The following SYBU variants were observed in gnomAD, a reference collection of about 807,000 sequenced individuals.
The protein encoded by SYBU is GOLSYN A protein.
In SYBU, 21 loss-of-function variants were observed where a neutral mutation model predicts 35.9. That is an observed-to-expected ratio of 0.58 (90% CI 0.41 to 0.84). SYBU has a LOEUF of 0.84. Ranked by LOEUF, SYBU falls within the 40% of genes least tolerant of loss-of-function variation. SYBU has a pLI of 0.00. For synonymous variants in SYBU, 319 were observed against 324.3 expected (o/e 0.98, Z 0.18); for missense variants, 768 against 848.2 (o/e 0.91, Z 1.17).
intron 2 of SYBU, among the ~76,000 whole-genome samples, chr8:109,634,022 C>G (rs1403164227): frequency 6.6e-6 from 1 of 152,184 alleles, no homozygotes; most frequent in African/African-American, 2.4e-5. Context: ...GTGTGAGCCA[C>G]TGCAACTGGA....
At chr8:109,665,263 C>T (rs1282959338) in intron 1 of SYBU, among the ~76,000 whole-genome samples, 1 of 152,036 alleles carries the variant, frequency 6.6e-6, no homozygotes, top group Non-Finnish European at 1.5e-5. Context: ...TTTGGCCAAG[C>T]CTTCAACCTC....
Position 109,575,449 on chromosome 8 carries a change from C to T in SYBU, c.1449G>A (p.Val483=). Residue 483 remains valine (V), a synonymous_variant, in exon 7 of 7, where the codon GTG becomes GTA. Transcript: ENST00000276646. ...CGTCGGTCTGAACGGCTCGCTCCAC[C>T]ACCACACTGCCCTCCTCCTGACCCA... is the stretch of plus-strand genomic sequence containing the variant. ...IVMGQEEGSV[V]VERAVQTDVV... 1.2e-6 allele frequency: 2 copies of T among 1,614,154 alleles called. No individual in the cohort carries two copies. Among genetic ancestry groups the T allele is most frequent in the Non-Finnish European group, 8.5e-7 (1 of 1,180,032 alleles).
At chr8:109,661,045 G>T (rs996815227) in intron 1 of SYBU, among the ~76,000 whole-genome samples, 2 of 152,194 alleles carry the variant, frequency 1.3e-5, no homozygotes, top group Admixed American at 1.3e-4. Flanking sequence ...TGATCAAAAA[G>T]AAGAGAGGTC....
At chr8:109,599,062 A>G (rs1825212485) in intron 3 of SYBU, among the ~76,000 whole-genome samples, 1 of 152,210 alleles carries the variant, frequency 6.6e-6, no homozygotes, top group Admixed American at 6.5e-5. Context: ...CATCCCACCC[A>G]AAGTGTTTGC....
intron 5 of SYBU, among the ~76,000 whole-genome samples, chr8:109,578,745 C>T (rs1190140143): frequency 1.3e-5 from 2 of 152,086 alleles, no homozygotes; most frequent in Admixed American, 6.6e-5. Context: ...GGGATGGGCC[C>T]GGGCAGAAGA....
At position 109,601,919 on chromosome 8, in the gene SYBU, G is replaced by A. The variant is rs540916871; in HGVS notation, c.428-15757C>T. 5.3e-5 allele frequency among the ~76,000 whole-genome samples: 8 copies of A among 152,314 alleles called. No individual in the cohort carries two copies. In the South Asian group the frequency reaches 1.4e-3, roughly 28 times the overall value. On this transcript the variant is annotated intron_variant, in intron 3 of 6. Transcript: ENST00000276646. ...ACTGAAGGCAAGAGAGAACCATAAT[G>A]AGTTTTGTTTGGGGTGGTAACATGA...
In SYBU at chr8:109,617,133, C is replaced by CA. The variant is rs35363783; in HGVS notation, c.427+1708dup. 8.0e-4 allele frequency among the ~76,000 whole-genome samples: 117 copies of CA among 146,446 alleles called. 2 individuals carry two copies. The East Asian group carries it at 8.7e-3, about 11-fold the overall frequency. ...TCTGGGCGACAGTGAGAATCTGTCT[C>CA]AAAAAAAAAAATACAATAAAATAAA... On this transcript the variant is annotated intron_variant, in intron 3 of 6. Coordinates refer to ENST00000276646, the MANE Select transcript of SYBU (RefSeq NM_001099754.2).
chr8:109,618,822 T>C lies in SYBU; in HGVS notation c.427+20A>G. The C allele has an allele frequency of 1.9e-6, 3 of 1,610,728 alleles. No individual in the cohort carries two copies. Among genetic ancestry groups the C allele is most frequent in the Non-Finnish European group, 2.5e-6 (3 of 1,177,004 alleles). ...CCATCACATTGTTCTGATGAAAACA[T>C]GACGAGTAAGTTCACTGACCTGGTT... On this transcript the variant is annotated intron_variant, in intron 3 of 6. Transcript: ENST00000276646.
chr8:109,591,878 A>G (rs974562175), intron 3 of SYBU, among the ~76,000 whole-genome samples: 3 of 151,912 alleles, frequency 2.0e-5, no homozygotes, highest in Non-Finnish European at 4.4e-5. Context: ...TGTAGTATTA[A>G]AAGAGTTCTG....
chr8:109,690,595 A>G (rs1479737630), intron 1 of SYBU, among the ~76,000 whole-genome samples: 1 of 152,178 alleles, frequency 6.6e-6, no homozygotes, highest in Non-Finnish European at 1.5e-5. Context: ...GGGAAGATAA[A>G]AGCAACGATT....
intron 2 of SYBU, among the ~76,000 whole-genome samples, chr8:109,627,943 A>C (rs1813159047): frequency 6.6e-6 from 1 of 152,200 alleles, no homozygotes; most frequent in Non-Finnish European, 1.5e-5. Context: ...ATCTTTTTGT[A>C]GTGGGAACTC....
intron 3 of SYBU, among the ~76,000 whole-genome samples, chr8:109,594,598 C>T (rs893176027): frequency 6.6e-6 from 1 of 152,156 alleles, no homozygotes; most frequent in African/African-American, 2.4e-5. Context: ...CATCTTCATC[C>T]TCACTGTGTG....
chr8:109,610,976 T>C (rs1355253429), intron 3 of SYBU, among the ~76,000 whole-genome samples: 2 of 152,210 alleles, frequency 1.3e-5, no homozygotes, highest in Non-Finnish European at 2.9e-5. Flanking sequence ...AGTCAGTCTC[T>C]TCAATAAATG....
At chr8:109,603,343 T>A in intron 3 of SYBU, 1 of 949,174 alleles carries the variant, frequency 1.1e-6, no homozygotes, top group Non-Finnish European at 1.3e-6. Context: ...TTAAAATGAA[T>A]GAAGCATACT....
intron 1 of SYBU, among the ~76,000 whole-genome samples, chr8:109,672,970 C>T (rs1053203950): frequency 6.6e-6 from 1 of 152,234 alleles, no homozygotes; most frequent in Non-Finnish European, 1.5e-5. Flanking sequence ...TGTAGCCAGA[C>T]TGCCTCTTTG....
At chr8:109,605,221 CATT>C (rs1825950375) in intron 3 of SYBU, among the ~76,000 whole-genome samples, 1 of 152,144 alleles carries the variant, frequency 6.6e-6, no homozygotes, top group Admixed American at 6.5e-5. Flanking sequence ...GAAAGTGGGG[CATT>C]ATTTTGTTCA....
rs779118117 is a variant in SYBU at position 109,575,558 on chromosome 8, G to C, written c.1340C>G (p.Thr447Arg). The C allele has an allele frequency of 6.2e-7, 1 of 1,614,158 alleles. No individual in the cohort carries two copies. The highest frequency in any genetic ancestry group is 1.1e-5 in the South Asian group (1 of 91,080). ...GTCACCAGATTCTGTGGTGGTGGCT[G>C]TCACTATCTCATCGAACAAATCTGT... ...NSTDLFDEIVTATTTESGDLE... is the reference protein window; with the variant it reads ...NSTDLFDEIVRATTTESGDLE... The change falls in exon 7 of 7, where the codon ACA (threonine) becomes AGA (arginine). Residue 447 changes from threonine to arginine, a missense_variant. Physicochemically the swap from Thr to Arg is moderately conservative, Grantham distance 71. Transcript: ENST00000276646.
chr8:109,655,369 T>G (rs905208464), intron 1 of SYBU, among the ~76,000 whole-genome samples: 1 of 152,240 alleles, frequency 6.6e-6, no homozygotes, highest in Non-Finnish European at 1.5e-5. Context: ...TAAAGTTACA[T>G]TAAAGCTATG....
upstream of SYBU, chr8:109,647,302 T>C (rs1815798269): frequency 6.6e-6 from 1 of 152,226 alleles, no homozygotes; most frequent in Non-Finnish European, 1.5e-5. Flanking sequence ...CTTTCAGTTC[T>C]CGGAGGTGGA....
Sources: gnomAD v4.1 joint callset for allele counts (sites outside exome capture counted in the v4.1 genomes callset) on GRCh38, gnomAD v4.1.1 for gene constraint, MANE v1.5 for transcripts, NCBI Gene and HGNC (gene_info 2026-07-23, HGNC 2026-07-21) for gene names.